The following WDPCP variants were observed in gnomAD, a reference collection of about 807,000 sequenced individuals.
The protein encoded by WDPCP is WD repeat containing planar cell polarity effector.
WDPCP carries 71 observed loss-of-function variants against 93.1 expected under a neutral mutation model. The ratio of observed to expected loss-of-function variants is 0.76; its 90% CI spans 0.63 to 0.93. The LOEUF (loss-of-function observed/expected upper bound fraction) is 0.93, where lower values mean the gene tolerates loss of function less well. Among genes scored for constraint, WDPCP ranks in the 40% least tolerant of loss-of-function variants. The pLI is 0.00. For missense variants in WDPCP, 844 were observed against 887.4 expected, an observed-to-expected ratio of 0.95 and a Z score of 0.62; for synonymous variants, 315 against 315.0, an observed-to-expected ratio of 1.00 and a Z score of 0.00.
intron 14 of WDPCP, among the ~76,000 whole-genome samples, chr2:63,188,061 AC>A (rs1674771853): frequency 6.6e-6 from 1 of 152,154 alleles, no homozygotes; most frequent in African/African-American, 2.4e-5. Context: ...TCTGCTGATA[AC>A]CTTAGTTGGC....
intron 3 of WDPCP, among the ~76,000 whole-genome samples, chr2:63,602,747 C>A (rs1341031752): frequency 6.6e-6 from 1 of 152,030 alleles, no homozygotes; most frequent in Non-Finnish European, 1.5e-5. Flanking sequence ...ATAATTTTGT[C>A]ATTTTGAGAA....
intron 3 of WDPCP, among the ~76,000 whole-genome samples, chr2:63,619,427 T>C (rs2106633867): frequency 6.6e-6 from 1 of 152,340 alleles, no homozygotes; most frequent in South Asian, 2.1e-4. Flanking sequence ...AAATGAGCCT[T>C]CCTCTTCAAA....
At chr2:63,596,181 C>A (rs1355073120) in intron 3 of WDPCP, among the ~76,000 whole-genome samples, 1 of 152,090 alleles carries the variant, frequency 6.6e-6, no homozygotes. Flanking sequence ...AAATATTTTT[C>A]TTCAGCTATT....
chr2:63,421,464 A>G (rs939683491), intron 9 of WDPCP, among the ~76,000 whole-genome samples: 1 of 152,194 alleles, frequency 6.6e-6, no homozygotes, highest in African/African-American at 2.4e-5. Context: ...ACACAAATAT[A>G]ATCAACTGAT....
chr2:63,593,659 T>C (rs1163282036), upstream of WDPCP: 1 of 471,546 alleles, frequency 2.1e-6, no homozygotes, highest in Admixed American at 2.3e-5. Context: ...GGAAGTACAT[T>C]TACCCAGCAT....
intron 1 of WDPCP, among the ~76,000 whole-genome samples, chr2:63,587,807 T>G (rs1190363768): frequency 1.3e-5 from 2 of 152,204 alleles, no homozygotes; most frequent in Admixed American, 6.5e-5. Flanking sequence ...TGGCATAACT[T>G]TAAGACTCAA....
chr2:63,229,504 T>G (rs1229183767), intron 14 of WDPCP: 1 of 152,200 alleles, frequency 6.6e-6, no homozygotes, highest in Non-Finnish European at 1.5e-5. Context: ...ATGAAGTCCT[T>G]GCCCATGCCT....
Position 63,404,598 on chromosome 2 carries a change from CTGTT to C in WDPCP, c.881_884del (p.Lys294SerfsTer12). ...GCTCCACTGTGAACACCTGATAAGGCTGTTTGGTGCCAAAGCGAACATCCAGTGG... is the reference window on the plus strand; with the variant it reads ...GCTCCACTGTGAACACCTGATAAGGCTGGTGCCAAAGCGAACATCCAGTGG... On this transcript the variant is annotated frameshift_variant, in exon 10 of 18. Coordinates refer to ENST00000272321, the MANE Select transcript of WDPCP (RefSeq NM_015910.7). LOFTEE classifies it high-confidence loss of function. 10 of 1,614,074 alleles carry C rather than the reference CTGTT, an allele frequency of 6.2e-6. No individual in the cohort carries two copies. The highest frequency in any genetic ancestry group is 7.6e-6 in the Non-Finnish European group (9 of 1,179,974).
intron 6 of WDPCP, among the ~76,000 whole-genome samples, chr2:63,470,491 C>T (rs1034092407): frequency 6.6e-6 from 1 of 152,150 alleles, no homozygotes; most frequent in African/African-American, 2.4e-5. Flanking sequence ...TCGGCAAATT[C>T]TGATGCCTCA....
chr2:63,147,383 A>G (rs1466269245), intron 17 of WDPCP, among the ~76,000 whole-genome samples: 1 of 152,174 alleles, frequency 6.6e-6, no homozygotes, highest in Non-Finnish European at 1.5e-5. Flanking sequence ...GTTTCTAGAA[A>G]TATTTAGGAG....
At chr2:63,712,295 T>C (rs1379086168) in intron 2 of WDPCP, among the ~76,000 whole-genome samples, 2 of 152,224 alleles carry the variant, frequency 1.3e-5, no homozygotes, top group Non-Finnish European at 2.9e-5. Context: ...TCCAAAAATA[T>C]TGCCATGAGT....
intron 17 of WDPCP, among the ~76,000 whole-genome samples, chr2:63,131,243 T>C (rs1670275352): frequency 6.6e-6 from 1 of 152,176 alleles, no homozygotes; most frequent in Admixed American, 6.5e-5. Context: ...TCTGTATGTC[T>C]TGTGGCTTTT....
intron 13 of WDPCP, among the ~76,000 whole-genome samples, chr2:63,264,889 T>C (rs1424606651): frequency 6.6e-6 from 1 of 152,186 alleles, no homozygotes; most frequent in Non-Finnish European, 1.5e-5. Flanking sequence ...CACGATGGCA[T>C]GAAACTATAA....
At chr2:63,491,216 C>G (rs1430521364) in intron 2 of WDPCP, among the ~76,000 whole-genome samples, 2 of 151,784 alleles carry the variant, frequency 1.3e-5, no homozygotes, top group Non-Finnish European at 2.9e-5. Flanking sequence ...TACTTTTTTC[C>G]CCCCTTCCTA....
intron 6 of WDPCP, among the ~76,000 whole-genome samples, chr2:63,445,548 T>C (rs769391616): frequency 6.6e-6 from 1 of 152,192 alleles, no homozygotes; most frequent in Admixed American, 6.5e-5. Context: ...TAGAAAGTAT[T>C]TGACCACAGA....
chr2:63,736,386 A>G (rs1434794621), intron 2 of WDPCP, among the ~76,000 whole-genome samples: 8 of 152,246 alleles, frequency 5.3e-5, no homozygotes, highest in Admixed American at 1.3e-4. Flanking sequence ...ATCAGGTATC[A>G]TAAAACACTG....
chr2:63,416,681 G>A (rs537634941), intron 9 of WDPCP, among the ~76,000 whole-genome samples: 1 of 151,838 alleles, frequency 6.6e-6, no homozygotes, highest in Admixed American at 6.6e-5. Flanking sequence ...CCGCCACCAC[G>A]TCCAGCTAAT....
intron 13 of WDPCP, among the ~76,000 whole-genome samples, chr2:63,273,044 T>C (rs1682781113): frequency 6.6e-6 from 1 of 151,992 alleles, no homozygotes; most frequent in Non-Finnish European, 1.5e-5. Context: ...AGACTAACAC[T>C]GGATTTCTCT....
chr2:63,772,894 A>C (rs944886387), intron 2 of WDPCP, among the ~76,000 whole-genome samples: 1 of 152,102 alleles, frequency 6.6e-6, no homozygotes, highest in East Asian at 1.9e-4. Flanking sequence ...CAAGTCAAGG[A>C]TGCCTATTGT....
Sources: allele counts gnomAD v4.1 joint callset (sites outside exome capture counted in the v4.1 genomes callset), GRCh38; gene constraint gnomAD v4.1.1; transcripts MANE v1.5; gene names NCBI Gene and HGNC (gene_info 2026-07-23, HGNC 2026-07-21).